Variants in DNAH14 observed in about 807,000 individuals in gnomAD.
The protein encoded by DNAH14 is dynein axonemal heavy chain 14.
In DNAH14, 478 loss-of-function variants were observed where a neutral mutation model predicts 520.9. That is an observed-to-expected ratio of 0.92 (90% CI 0.85 to 0.99). The LOEUF is 0.99. DNAH14 is among the 50% of genes least tolerant of loss of function. The pLI is 0.00. For synonymous variants in DNAH14, 1,581 were observed against 1,757.2 expected, an observed-to-expected ratio of 0.90 and a Z score of 2.51; for missense variants, 4,831 against 5,234.5, an observed-to-expected ratio of 0.92 and a Z score of 2.38.
At chr1:225,395,110 T>C (rs75057772) in intron 84 of DNAH14, among the ~76,000 whole-genome samples, 5,792 of 152,274 alleles carry the variant, frequency 0.038, 150 homozygotes, top group Middle Eastern at 0.061. Flanking sequence ...AAGGTATGAT[T>C]CCTATATTAG....
chr1:224,930,049 G>A (rs1176769174), intron 1 of DNAH14, among the ~76,000 whole-genome samples: 2 of 152,094 alleles, frequency 1.3e-5, no homozygotes, highest in Non-Finnish European at 2.9e-5. Flanking sequence ...CCGCCACGCC[G>A]GTAGCCCCGA....
intron 77 of DNAH14, among the ~76,000 whole-genome samples, chr1:225,373,172 GAAA>G (rs3075885): frequency 7.4e-6 from 1 of 135,772 alleles, no homozygotes; most frequent in Non-Finnish European, 1.6e-5. Context: ...AGCATTTGTG[GAAA>G]AAAAAAAAAA....
chr1:225,012,512 G>A (rs2064864896), intron 10 of DNAH14, among the ~76,000 whole-genome samples: 1 of 152,006 alleles, frequency 6.6e-6, no homozygotes, highest in African/African-American at 2.4e-5. Flanking sequence ...GCTAGATTGG[G>A]GAAGTTCTCT....
At chr1:225,037,547 CTT>C (rs1187462241) in intron 11 of DNAH14, among the ~76,000 whole-genome samples, 2 of 152,078 alleles carry the variant, frequency 1.3e-5, no homozygotes, top group Non-Finnish European at 2.9e-5. Context: ...TGCTTCTTAA[CTT>C]TTATTGTTTC....
intron 22 of DNAH14, among the ~76,000 whole-genome samples, chr1:225,097,956 T>C (rs1281062973): frequency 6.6e-6 from 1 of 152,142 alleles, no homozygotes; most frequent in Non-Finnish European, 1.5e-5. Flanking sequence ...CCCAACACTT[T>C]GGGAGCCCAA....
chr1:224,966,934 A>G (rs75188510), intron 5 of DNAH14, among the ~76,000 whole-genome samples: 8,380 of 152,290 alleles, frequency 0.055, 470 homozygotes, highest in East Asian at 0.24. Context: ...ATGAAAGTTA[A>G]TAAACTCTTA....
intron 74 of DNAH14, among the ~76,000 whole-genome samples, chr1:225,359,008 A>C (rs1210373998): frequency 6.6e-6 from 1 of 152,216 alleles, no homozygotes; most frequent in African/African-American, 2.4e-5. Flanking sequence ...CTTACTTTTT[A>C]AATTACTCAG....
intron 36 of DNAH14, among the ~76,000 whole-genome samples, chr1:225,177,557 G>GTT (rs1165347041): frequency 2.0e-5 from 3 of 152,090 alleles, no homozygotes; most frequent in African/African-American, 7.2e-5. Context: ...AGAAAAAATG[G>GTT]TTTCGTGGGC....
chr1:224,998,883 G>A (rs766258452), intron 8 of DNAH14, among the ~76,000 whole-genome samples: 6 of 152,048 alleles, frequency 3.9e-5, no homozygotes, highest in African/African-American at 9.7e-5. Context: ...TTGTGGATTT[G>A]TCTCTTTTTC....
intron 26 of DNAH14, among the ~76,000 whole-genome samples, chr1:225,120,927 A>C (rs184342964): frequency 6.6e-6 from 1 of 152,296 alleles, no homozygotes; most frequent in East Asian, 1.9e-4. Context: ...CCATTTTTTC[A>C]TGTTATTTTA....
At chr1:225,395,625 G>A (rs1451293090) in intron 84 of DNAH14, 7 of 152,436 alleles carry the variant, frequency 4.6e-5, no homozygotes. Flanking sequence ...CTGTAGGATG[G>A]GGCGGGGGGC....
Position 225,153,338 on chromosome 1 carries a change from A to G in DNAH14, c.5197-412A>G, listed in dbSNP as rs563339562. 1.1e-4 allele frequency among the ~76,000 whole-genome samples: 17 copies of G among 152,270 alleles called. No homozygotes were observed. In the East Asian group the frequency reaches 2.1e-3, roughly 19 times the overall value. ...TGTTTCTAACAAGTTTTAAACTGTT[A>G]CTGATGCTGCTGATCTGGGTTCTAC... On this transcript the variant is annotated intron_variant, in intron 33 of 85. Transcript: ENST00000682510.
rs183949582 is a variant in DNAH14, at chr1:225,215,768, T to G, written c.6439+8548T>G. On this transcript the variant is annotated intron_variant, in intron 41 of 85. Transcript: ENST00000682510. The stretch of plus-strand genomic sequence containing the variant: ...GCTTGGTAGATCTTTCTCCATCCCT[T>G]TATTTTGAGCCTGTATGTGTCTCTG... 1.2e-3 allele frequency among the ~76,000 whole-genome samples: 183 copies of G among 152,322 alleles called. 2 individuals are homozygous for G. The highest frequency in any genetic ancestry group is 6.8e-3 in the Middle Eastern group (2 of 294).
intron 4 of DNAH14, among the ~76,000 whole-genome samples, chr1:224,964,176 G>A (rs1450204323): frequency 6.6e-6 from 1 of 152,004 alleles, no homozygotes; most frequent in Non-Finnish European, 1.5e-5. Flanking sequence ...CCCCAGCTTA[G>A]GCATTTATTA....
chr1:225,326,851 A>T (rs560119660), intron 64 of DNAH14, among the ~76,000 whole-genome samples: 72 of 124,830 alleles, frequency 5.8e-4, no homozygotes, highest in African/African-American at 1.9e-3. Flanking sequence ...AGTCCATTTT[A>T]AAAAAAAAAC....
At chr1:225,353,960 A>C (rs2095401617) in intron 73 of DNAH14, 72 bp downstream of exon 73, 1 of 899,910 alleles carries the variant, frequency 1.1e-6, no homozygotes, top group African/African-American at 1.7e-5. Flanking sequence ...TAAACCCTTC[A>C]AAATTAAAAT....
At chr1:225,130,103 T>C (rs1223776907) in intron 27 of DNAH14, among the ~76,000 whole-genome samples, 1 of 151,922 alleles carries the variant, frequency 6.6e-6, no homozygotes, top group Non-Finnish European at 1.5e-5. Context: ...GAAATGCAAA[T>C]CAAAACCACA....
chr1:225,297,786 C>A (rs934141923), intron 55 of DNAH14, among the ~76,000 whole-genome samples: 1 of 152,198 alleles, frequency 6.6e-6, no homozygotes. Context: ...GGATCTGGCT[C>A]ACTTGGTTTG....
In DNAH14 at chr1:225,034,515, T is replaced by TTGTGTGTGTGTGTGTGTG. The variant is rs71170047; in HGVS notation, c.1359-4161_1359-4144dup. Among the ~76,000 whole-genome samples the TTGTGTGTGTGTGTGTGTG allele has an allele frequency of 9.4e-3, 1,393 of 147,742 alleles. 24 individuals carry two copies. The highest frequency in any genetic ancestry group is 0.047 in the East Asian group (228 of 4,878). On this transcript the variant is annotated intron_variant, in intron 11 of 85. Transcript: ENST00000682510. The stretch of plus-strand genomic sequence containing the variant: ...ATTCATCAAGGATATTGGCTTGAAT[T>TTGTGTGTGTGTGTGTGTG]TGTGTGTGTGTGTGTGTGTGTGTGT...
Sources: allele counts gnomAD v4.1 joint callset (sites outside exome capture counted in the v4.1 genomes callset), GRCh38; gene constraint gnomAD v4.1.1; transcripts MANE v1.5; gene names NCBI Gene and HGNC (gene_info 2026-07-23, HGNC 2026-07-21).